The following RAP1GAP variants were observed in gnomAD, a reference collection of about 807,000 sequenced individuals.
RAP1GAP encodes rap1 GTPase-activating protein 1.
A neutral mutation model predicts 87.2 loss-of-function variants in RAP1GAP; 35 were observed. That is an observed-to-expected ratio of 0.40 (90% CI 0.31 to 0.53). The LOEUF (loss-of-function observed/expected upper bound fraction) is 0.53, where lower values mean the gene tolerates loss of function less well. Ranked by LOEUF, RAP1GAP falls within the 20% of genes least tolerant of loss-of-function variation. The pLI is 0.48. For synonymous variants in RAP1GAP, 375 were observed against 363.9 expected (o/e 1.03, Z -0.35); for missense variants, 734 against 898.9 (o/e 0.82, Z 2.35).
Position 21,620,116 on chromosome 1 carries a change from G to A in RAP1GAP, c.-18-66C>T, listed in dbSNP as rs540980318. The A allele has an allele frequency of 3.2e-4, 502 of 1,579,266 alleles. 4 individuals carry two copies. Among genetic ancestry groups the A allele is most frequent in the South Asian group, 1.7e-3 (149 of 90,040 alleles). On this transcript the variant is annotated intron_variant, in intron 3 of 24. Coordinates refer to ENST00000374765, the MANE Select transcript of RAP1GAP (RefSeq NM_002885.4). ...CCAAGCCCCAGAGGAGTCTCCACCC[G>A]CCCCGGCCCTCCGGGTCCCACCAGC... is the stretch of plus-strand genomic sequence containing the variant.
At chr1:21,599,668 G>A (rs1478805054) in intron 20 of RAP1GAP, 51 bp from the exon 21 acceptor site, 1 of 1,573,096 alleles carries the variant, frequency 6.4e-7, no homozygotes, top group Non-Finnish European at 8.6e-7. Flanking sequence ...GCCCCTCCTG[G>A]GCCAGGCCCT....
At chr1:21,656,462 C>A (rs1026679369) in intron 1 of RAP1GAP, among the ~76,000 whole-genome samples, 21 of 135,710 alleles carry the variant, frequency 1.5e-4, no homozygotes, top group African/African-American at 3.3e-4. Flanking sequence ...AAAGACCTAA[C>A]AACGGAAAGA....
chr1:21,651,793 G>A, intron 1 of RAP1GAP: 3 of 1,389,016 alleles, frequency 2.2e-6, no homozygotes, highest in Middle Eastern at 2.6e-4. Context: ...CGTAGGCCCC[G>A]AAGGTGAAGC....
chr1:21,651,771 C>T, intron 1 of RAP1GAP: 1 of 1,440,240 alleles, frequency 6.9e-7, no homozygotes. Flanking sequence ...CGCCGCGCCA[C>T]GCCCTACCCG....
rs377422449 is a variant in RAP1GAP at position 21,599,505 on chromosome 1, C to G, written c.1765G>C (p.Asp589His). The G allele has an allele frequency of 8.1e-6, 13 of 1,608,980 alleles. No individual in the cohort carries two copies. Among genetic ancestry groups the G allele is most frequent in the Non-Finnish European group, 9.3e-6 (11 of 1,179,892 alleles). The change falls in exon 21 of 25, where the codon GAC becomes CAC. Residue 589 changes from aspartate (D) to histidine (H), a missense_variant. Asp to His is a moderately conservative substitution (Grantham distance 81). This residue lies in a region of RAP1GAP where 249 missense variants were observed against 252.7 expected (regional missense o/e 0.99). Coordinates refer to ENST00000374765, the MANE Select transcript of RAP1GAP (RefSeq NM_002885.4). ...VEETEGVDGE[D>H]TGLESVSSSG... ...CCTGAGCCTCTCACCAGGCCTGTGT[C>G]CTCTCCGTCCACACCCTCCGTCTCC... is the stretch of plus-strand genomic sequence containing the variant.
chr1:21,599,109 C>T (rs566777797), intron 21 of RAP1GAP, among the ~76,000 whole-genome samples: 1 of 152,280 alleles, frequency 6.6e-6, no homozygotes, highest in East Asian at 1.9e-4. Flanking sequence ...GCCAGCCTGG[C>T]AAAGAAAGGA....
At chr1:21,665,520 G>A (rs1180625961) in intron 1 of RAP1GAP, among the ~76,000 whole-genome samples, 1 of 152,204 alleles carries the variant, frequency 6.6e-6, no homozygotes, top group African/African-American at 2.4e-5. Context: ...TGCAAAGCAG[G>A]AGTATCATGT....
rs2149231934 is a variant in RAP1GAP at position 21,609,157 on chromosome 1, G to A, written c.1072-221C>T. Among the ~76,000 whole-genome samples, 1 of 152,284 alleles carries A rather than the reference G, an allele frequency of 6.6e-6. No homozygotes were observed. The highest frequency in any genetic ancestry group is 3.4e-3 in the Middle Eastern group (1 of 294). On this transcript the variant is annotated intron_variant, in intron 15 of 24. Coordinates refer to ENST00000374765, the MANE Select transcript of RAP1GAP (RefSeq NM_002885.4). This position sits in a 1 kb window ranked among gnomAD's most constrained non-coding sequence, Gnocchi z 4.4. ...TTCATGGCTGCCCACGCCTTCGGGA[G>A]AGCAAACTCCACAGATGTTAGGGTC...
At chr1:21,604,794 TGGA>T (rs1241999565) in intron 18 of RAP1GAP, among the ~76,000 whole-genome samples, 26 of 150,954 alleles carry the variant, frequency 1.7e-4, no homozygotes, top group Admixed American at 7.9e-4. Context: ...GATGGATGGA[TGGA>T]TCGGTGGGTG....
At position 21,598,268 on chromosome 1, in the gene RAP1GAP, GC is replaced by G. The variant is rs997886557; in HGVS notation, c.1879+131del. ...GCCACCCTAGGCTGGACAATGACCT[GC>G]CCGCTGTCCTCCAAGTCAGGGGCAG... On this transcript the variant is annotated intron_variant, in intron 22 of 24. Coordinates refer to ENST00000374765, the MANE Select transcript of RAP1GAP (RefSeq NM_002885.4). 12 of 898,986 alleles carry G rather than the reference GC, an allele frequency of 1.3e-5. No individual in the cohort carries two copies. In the African/African-American group the frequency reaches 1.6e-4, roughly 12 times the overall value. 55.7% of individuals were successfully genotyped at this position (898,986 alleles called of 1,614,324 possible).
intron 1 of RAP1GAP, among the ~76,000 whole-genome samples, chr1:21,656,595 G>C (rs922088998): frequency 6.6e-6 from 1 of 152,162 alleles, no homozygotes; most frequent in African/African-American, 2.4e-5. Context: ...AGAGTCTCCT[G>C]GGGGTTCCCC....
At chr1:21,637,201 G>C (rs2094898894) in intron 2 of RAP1GAP, among the ~76,000 whole-genome samples, 1 of 148,944 alleles carries the variant, frequency 6.7e-6, no homozygotes, top group Non-Finnish European at 1.5e-5. Context: ...TTGTCGCCCA[G>C]GGTGGAGTGC....
At chr1:21,614,687 T>C (rs2080834356) in intron 7 of RAP1GAP, among the ~76,000 whole-genome samples, 1 of 151,504 alleles carries the variant, frequency 6.6e-6, no homozygotes, top group Admixed American at 6.6e-5. Context: ...CCCTGGGGAG[T>C]ATCAGGGGTG....
Position 21,601,716 on chromosome 1 carries a change from C to G in RAP1GAP, c.1620G>C (p.Gln540His). 6.2e-7 allele frequency: 1 copy of G among 1,612,296 alleles called. No homozygotes were observed. The highest frequency in any genetic ancestry group is 8.5e-7 in the Non-Finnish European group (1 of 1,178,818). ...QEPKSENSST[Q>H]SSPEMPTTKN... is the part of the protein sequence containing the mutation. ...TGGTCGTGGGCATCTCTGGGGAGCT[C>G]TGAGTGGATGAGTTCTCCGACTTGG... Residue 540 changes from glutamine (Q) to histidine (H), a missense_variant, in exon 20 of 25, where the codon CAG becomes CAC. Physicochemically the swap from Gln to His is conservative, Grantham distance 24 (BLOSUM62 0). Transcript: ENST00000374765.
In RAP1GAP at chr1:21,652,084, G is replaced by A. The variant is rs1571368584; in HGVS notation, c.-148-2288C>T. Among the ~76,000 whole-genome samples the A allele has an allele frequency of 2.0e-5, 3 of 151,644 alleles. 1 individual carries two copies. The highest frequency in any genetic ancestry group is 2.0e-4 in the Admixed American group (3 of 15,266). The stretch of plus-strand genomic sequence containing the variant: ...CCGGGCGGGGATTGCGGGGCCCGGG[G>A]CCCGGGGCAGCCCCTCCCCCACCCC... On this transcript the variant is annotated intron_variant, in intron 1 of 24. Coordinates refer to ENST00000374765, the MANE Select transcript of RAP1GAP (RefSeq NM_002885.4).
At chr1:21,631,314 T>C (rs190307425) in intron 2 of RAP1GAP, among the ~76,000 whole-genome samples, 27 of 152,352 alleles carry the variant, frequency 1.8e-4, no homozygotes, top group African/African-American at 5.3e-4. Flanking sequence ...CCCCCTGCCA[T>C]GACCGTGGTC....
chr1:21,617,888 C>T, intron 6 of RAP1GAP, 46 bp downstream of exon 6: 3 of 1,613,052 alleles, frequency 1.9e-6, no homozygotes, highest in Non-Finnish European at 2.5e-6. Flanking sequence ...TGTGTAAGTG[C>T]CTCCTGGGCT....
At chr1:21,610,882 T>C (rs1395824921) in intron 13 of RAP1GAP, among the ~76,000 whole-genome samples, 1 of 152,214 alleles carries the variant, frequency 6.6e-6, no homozygotes, top group Non-Finnish European at 1.5e-5. Context: ...TCACATTTCC[T>C]TTTATCCCCC....
At chr1:21,616,041 G>A (rs913939733) in intron 7 of RAP1GAP, among the ~76,000 whole-genome samples, 5 of 151,938 alleles carry the variant, frequency 3.3e-5, no homozygotes, top group African/African-American at 1.2e-4. Context: ...TAACTCCATT[G>A]GTTAGCACCG....
Sources: allele counts gnomAD v4.1 joint callset (sites outside exome capture counted in the v4.1 genomes callset), GRCh38; gene constraint gnomAD v4.1.1; regional missense constraint gnomAD v4.1.1; non-coding constraint Gnocchi (gnomAD v3.1); transcripts MANE v1.5; gene names NCBI Gene and HGNC (gene_info 2026-07-23, HGNC 2026-07-21).